Variants in DNAH6 observed in about 807,000 individuals in gnomAD.
The protein encoded by DNAH6 is dynein axonemal heavy chain 6.
DNAH6 carries 340 observed loss-of-function variants against 491.4 expected under a neutral mutation model. That is an observed-to-expected ratio of 0.69 (90% CI 0.63 to 0.76). DNAH6 has a LOEUF of 0.76. Among genes scored for constraint, DNAH6 ranks in the 30% least tolerant of loss-of-function variants. DNAH6 has a pLI of 0.00. For synonymous variants in DNAH6, 1,603 were observed against 1,686.1 expected (o/e 0.95, Z 1.21); for missense variants, 4,443 against 4,972.2 (o/e 0.89, Z 3.20).
intron 42 of DNAH6, among the ~76,000 whole-genome samples, chr2:84,683,539 C>A (rs531094817): frequency 2.6e-5 from 4 of 151,178 alleles, no homozygotes; most frequent in Non-Finnish European, 5.9e-5. Context: ...TCTGTAGCCT[C>A]AGCCTCCCAA....
chr2:84,615,508 G>T (rs143078288), intron 22 of DNAH6, among the ~76,000 whole-genome samples: 5,417 of 152,030 alleles, frequency 0.036, 145 homozygotes, highest in Non-Finnish European at 0.053. Context: ...TCATGCTTTG[G>T]CTATGTGGGC....
chr2:84,655,077 A>G (rs1218645010), intron 35 of DNAH6, among the ~76,000 whole-genome samples: 1 of 152,020 alleles, frequency 6.6e-6, no homozygotes, highest in Non-Finnish European at 1.5e-5. Flanking sequence ...TGAGTCCCTA[A>G]AAACACAGCT....
chr2:84,769,294 T>G (rs1436785504), intron 64 of DNAH6, among the ~76,000 whole-genome samples: 1 of 152,232 alleles, frequency 6.6e-6, no homozygotes, highest in Non-Finnish European at 1.5e-5. Context: ...CTGAGTGTTC[T>G]TTCAGCTATC....
chr2:84,777,995 A>G, intron 64 of DNAH6: 3 of 958,888 alleles, frequency 3.1e-6, no homozygotes, highest in East Asian at 2.4e-5. Flanking sequence ...ATTTGCAGTT[A>G]CATTATAGTC....
At position 84,594,045 on chromosome 2, in the gene DNAH6, C is replaced by T. The variant is rs571085778; in HGVS notation, c.2684C>T (p.Ser895Phe). 1.3e-5 allele frequency: 20 copies of T among 1,550,654 alleles called. No homozygotes were observed. In the African/African-American group the frequency reaches 1.6e-4, roughly 13 times the overall value. Residue 895 changes from serine to phenylalanine, a missense_variant, in exon 17 of 77, where the codon TCT (serine) becomes TTT (phenylalanine). Around this residue, in one of 3 missense-constraint regions of DNAH6, gnomAD observed 2,977 missense variants for 3,296.6 expected, o/e 0.90. Coordinates refer to ENST00000389394, the MANE Select transcript of DNAH6 (RefSeq NM_001370.2). ...ELKLKQLLWD[S>F]FSEWDKLQQE... The stretch of plus-strand genomic sequence containing the variant: ...AAGCTCAAACAATTGCTCTGGGATT[C>T]TTTCTCTGAATGGGATAAACTCCAA...
chr2:84,680,151 A>T (rs1474231889), intron 41 of DNAH6, among the ~76,000 whole-genome samples: 1 of 152,140 alleles, frequency 6.6e-6, no homozygotes, highest in East Asian at 1.9e-4. Context: ...GTTAAAGCAA[A>T]TGTTAAACAG....
chr2:84,752,632 A>C (rs538335342), intron 63 of DNAH6, among the ~76,000 whole-genome samples: 24 of 151,180 alleles, frequency 1.6e-4, no homozygotes, highest in Admixed American at 1.4e-3. Context: ...CATCACCAAC[A>C]CTAGTCTACT....
chr2:84,471,670 G>A, the DNAH6 span, among the ~76,000 whole-genome samples: 3 of 152,054 alleles, frequency 2.0e-5, no homozygotes, highest in South Asian at 2.1e-4. Flanking sequence ...CCAGTCTCCC[G>A]TTCCATGGTC....
At chr2:84,776,853 A>C (rs1013342623) in intron 64 of DNAH6, among the ~76,000 whole-genome samples, 6 of 152,250 alleles carry the variant, frequency 3.9e-5, no homozygotes, top group Non-Finnish European at 5.9e-5. Flanking sequence ...CCAAATGTCC[A>C]TCAGTGATAG....
intron 67 of DNAH6, among the ~76,000 whole-genome samples, chr2:84,786,559 T>C (rs1192278180): frequency 6.6e-6 from 1 of 151,748 alleles, no homozygotes; most frequent in African/African-American, 2.4e-5. Flanking sequence ...GCAGCTGAGA[T>C]GAGGAGGTAG....
At chr2:84,494,369 G>A in the DNAH6 span, among the ~76,000 whole-genome samples, 4 of 152,172 alleles carry the variant, frequency 2.6e-5, no homozygotes, top group South Asian at 2.1e-4. Context: ...AAGCAAAAAG[G>A]AGACATTAGC....
At chr2:84,777,313 A>G (rs1427511373) in intron 64 of DNAH6, 2 of 302,412 alleles carry the variant, frequency 6.6e-6, no homozygotes, top group East Asian at 7.3e-5. Flanking sequence ...TCTTCTTCAA[A>G]CAGATCTCTT....
In DNAH6 at chr2:84,721,234, A is replaced by G. The variant is rs1318816747; in HGVS notation, c.9793-1391A>G. On this transcript the variant is annotated intron_variant, in intron 59 of 76. Transcript: ENST00000389394. The stretch of plus-strand genomic sequence containing the variant: ...AATTATTTGTTAGTGGGCCTACATG[A>G]TCCACCAACTGATCCCATATCAACT... Among the ~76,000 whole-genome samples, 3 of 152,188 alleles carry G rather than the reference A, an allele frequency of 2.0e-5. No individual in the cohort carries two copies. The East Asian group carries it at 5.8e-4, about 29-fold the overall frequency.
chr2:84,746,440 A>T (rs1672987320), intron 63 of DNAH6, among the ~76,000 whole-genome samples: 1 of 152,234 alleles, frequency 6.6e-6, no homozygotes, highest in African/African-American at 2.4e-5. Context: ...GTTTCAACAC[A>T]GCACAAGTTA....
rs1689284924 is a variant in DNAH6, at chr2:84,640,485, C to T, written c.4877C>T (p.Thr1626Ile). 2.6e-6 allele frequency: 4 copies of T among 1,548,506 alleles called. No homozygotes were observed. In the South Asian group the frequency reaches 4.8e-5, roughly 18 times the overall value. The stretch of plus-strand genomic sequence containing the variant: ...AGTAAAATATTAGCAAGAAAAATGA[C>T]TCAGATGTATAAGCTTTGCAGTGAG... ...ESSKILARKM[T>I]QMYKLCSEQL... Residue 1626 changes from threonine (T) to isoleucine (I), a missense_variant, in exon 32 of 77, where the codon ACT (threonine) becomes ATT (isoleucine). Physicochemically the swap from Thr to Ile is moderately conservative, Grantham distance 89 (BLOSUM62 -1). This residue lies in a region of DNAH6 where 2,977 missense variants were observed against 3,296.6 expected (regional missense o/e 0.90). Coordinates refer to ENST00000389394, the MANE Select transcript of DNAH6 (RefSeq NM_001370.2).
At chr2:84,744,710 A>G (rs1672805914) in intron 62 of DNAH6, among the ~76,000 whole-genome samples, 2 of 152,022 alleles carry the variant, frequency 1.3e-5, no homozygotes, top group African/African-American at 2.4e-5. Context: ...TATTTTTATT[A>G]ATATAAGAAC....
At chr2:84,738,282 A>G (rs1672194667) in intron 62 of DNAH6, among the ~76,000 whole-genome samples, 1 of 152,132 alleles carries the variant, frequency 6.6e-6, no homozygotes, top group South Asian at 2.1e-4. Flanking sequence ...GGTCAATTTT[A>G]GAGTATGTTC....
chr2:84,687,092 A>G (rs1316716324), intron 44 of DNAH6, among the ~76,000 whole-genome samples: 2 of 152,130 alleles, frequency 1.3e-5, no homozygotes, highest in South Asian at 2.1e-4. Flanking sequence ...TTTTTTATAT[A>G]TTTAACTTCC....
In DNAH6 at chr2:84,672,360, T is replaced by G; in HGVS notation, c.6488T>G (p.Val2163Gly). The change falls in exon 40 of 77, where the codon GTT (valine) becomes GGT (glycine). Residue 2163 changes from valine to glycine, a missense_variant. Around this residue, in one of 3 missense-constraint regions of DNAH6, gnomAD observed 2,977 missense variants for 3,296.6 expected, o/e 0.90. Coordinates refer to ENST00000389394, the MANE Select transcript of DNAH6 (RefSeq NM_001370.2). ...GGAAACAAACGAATTGTGATTTTTG[T>G]TGATGATTTAAACATGCCCAGACTG... ...APGNKRIVIF[V>G]DDLNMPRLDR... 2 of 1,550,650 alleles carry G rather than the reference T, an allele frequency of 1.3e-6. No individual in the cohort carries two copies. The highest frequency in any genetic ancestry group is 1.7e-6 in the Non-Finnish European group (2 of 1,146,360).
Sources: allele counts gnomAD v4.1 joint callset (sites outside exome capture counted in the v4.1 genomes callset), GRCh38; gene constraint gnomAD v4.1.1; regional missense constraint gnomAD v4.1.1; transcripts MANE v1.5; gene names NCBI Gene and HGNC (gene_info 2026-07-23, HGNC 2026-07-21).